The following PTPRK variants were observed in gnomAD, a reference collection of about 807,000 sequenced individuals.
The protein encoded by PTPRK is protein tyrosine phosphatase receptor type K.
Under a neutral mutation model 178.0 loss-of-function variants are expected in PTPRK, and 75 were observed. The observed-to-expected ratio is 0.42, with a 90% CI of 0.35 to 0.51. PTPRK has a LOEUF of 0.51. Ranked by LOEUF, PTPRK falls within the 20% of genes least tolerant of loss-of-function variation. The pLI, the probability that PTPRK is intolerant of heterozygous loss-of-function variation, is 0.02. For synonymous variants in PTPRK, 637 were observed against 620.6 expected, an observed-to-expected ratio of 1.03 and a Z score of -0.39; for missense variants, 1,441 against 1,797.8, an observed-to-expected ratio of 0.80 and a Z score of 3.59.
intron 3 of PTPRK, among the ~76,000 whole-genome samples, chr6:128,249,582 G>T (rs1327889150): frequency 6.6e-6 from 1 of 152,070 alleles, no homozygotes; most frequent in Non-Finnish European, 1.5e-5. Flanking sequence ...TATGCATAAA[G>T]TTAGAACAGT....
chr6:128,447,628 CT>C (rs35289749), intron 1 of PTPRK, among the ~76,000 whole-genome samples: 620 of 138,334 alleles, frequency 4.5e-3, no homozygotes, highest in Non-Finnish European at 4.2e-3. Context: ...AAAACCGTGC[CT>C]TTTTTTTTTT....
chr6:128,464,647 A>ATG (rs1849575032), intron 1 of PTPRK, among the ~76,000 whole-genome samples: 1 of 93,032 alleles, frequency 1.1e-5, no homozygotes, highest in Admixed American at 1.0e-4. Context: ...ACATATATAT[A>ATG]TATATATATA....
At chr6:128,505,457 A>G (rs1039796492) in intron 1 of PTPRK, among the ~76,000 whole-genome samples, 19 of 151,886 alleles carry the variant, frequency 1.3e-4, no homozygotes, top group African/African-American at 4.6e-4. Context: ...AAATAAATAC[A>G]CACATAAAAT....
chr6:128,078,274 CT>C (rs1438926682), intron 11 of PTPRK, among the ~76,000 whole-genome samples: 1 of 151,956 alleles, frequency 6.6e-6, no homozygotes, highest in African/African-American at 2.4e-5. Flanking sequence ...TATCTGCAGG[CT>C]TTGTCCAAAT....
chr6:128,127,020 C>T (rs139749297), intron 7 of PTPRK, among the ~76,000 whole-genome samples: 4 of 151,390 alleles, frequency 2.6e-5, no homozygotes, highest in African/African-American at 4.9e-5. Flanking sequence ...TGATGTTTTG[C>T]TAATTTGCAG....
intron 3 of PTPRK, among the ~76,000 whole-genome samples, chr6:128,305,777 A>C (rs1159347502): frequency 6.6e-6 from 1 of 152,370 alleles, no homozygotes; most frequent in Non-Finnish European, 1.5e-5. Context: ...TTCACCCAGA[A>C]GAACCCAAAT....
At chr6:128,201,497 A>G (rs75477210) in intron 6 of PTPRK, among the ~76,000 whole-genome samples, 3,941 of 152,234 alleles carry the variant, frequency 0.026, 107 homozygotes, top group African/African-American at 0.071. Context: ...AATAGTTTCA[A>G]ATATAAACTA....
At chr6:128,111,811 C>T (rs909806965) in intron 7 of PTPRK, among the ~76,000 whole-genome samples, 15 of 151,966 alleles carry the variant, frequency 9.9e-5, no homozygotes, top group African/African-American at 3.1e-4. Flanking sequence ...GTATGGATCT[C>T]GCATTTTTAG....
intron 7 of PTPRK, among the ~76,000 whole-genome samples, chr6:128,113,282 A>C (rs1235756815): frequency 6.6e-6 from 1 of 151,836 alleles, no homozygotes; most frequent in Non-Finnish European, 1.5e-5. Context: ...GAAGAAAAAA[A>C]CTTGAAAGAA....
At chr6:128,426,307 C>T (rs996530080) in intron 1 of PTPRK, among the ~76,000 whole-genome samples, 1 of 152,104 alleles carries the variant, frequency 6.6e-6, no homozygotes, top group Admixed American at 6.5e-5. Flanking sequence ...TTAAAGCTCC[C>T]CTTGAGGTCT....
rs1784296149 is a variant in PTPRK at position 128,078,780 on chromosome 6, T to C, written c.1883+33A>G. The C allele has an allele frequency of 2.7e-6, 4 of 1,496,402 alleles. No homozygotes were observed. In the East Asian group the frequency reaches 9.0e-5, roughly 34 times the overall value. 92.7% of individuals were successfully genotyped at this position (1,496,402 alleles called of 1,614,324 possible). A position where few individuals can be genotyped will look rare whatever the true frequency, so the allele number is the denominator to read the frequency against. ...ATCTTGGGATGTACATACCTGTGGA[T>C]AAGGCAGAACTACTGTAGTTTTCTC... On this transcript the variant is annotated intron_variant, in intron 11 of 29. Transcript: ENST00000368226.
At chr6:128,002,396 G>C (rs916675909) in intron 15 of PTPRK, among the ~76,000 whole-genome samples, 1 of 151,620 alleles carries the variant, frequency 6.6e-6, no homozygotes, top group African/African-American at 2.4e-5. Flanking sequence ...TAGAAACGCT[G>C]GTAAAATTGA....
At chr6:128,330,171 T>A (rs192764065) in intron 2 of PTPRK, among the ~76,000 whole-genome samples, 19 of 152,248 alleles carry the variant, frequency 1.2e-4, no homozygotes, top group African/African-American at 4.3e-4. Context: ...TAAGAAGCAA[T>A]AATCAGGATC....
intron 7 of PTPRK, among the ~76,000 whole-genome samples, chr6:128,110,585 G>C (rs1341290516): frequency 6.6e-6 from 1 of 151,826 alleles, no homozygotes. Context: ...AGATATTTAT[G>C]CAGAAGGGAA....
At chr6:128,331,252 T>G (rs1227930312) in intron 2 of PTPRK, among the ~76,000 whole-genome samples, 1 of 152,184 alleles carries the variant, frequency 6.6e-6, no homozygotes, top group Non-Finnish European at 1.5e-5. Context: ...TTGTGTTTCC[T>G]GCCCTGCATT....
At chr6:127,996,772 T>C in intron 17 of PTPRK, 129 bp downstream of exon 17, 1 of 1,225,402 alleles carries the variant, frequency 8.2e-7, no homozygotes, top group Non-Finnish European at 1.1e-6. Context: ...AGCCTGATTG[T>C]AAATGCTGTT....
chr6:128,247,678 T>G (rs376923560), intron 3 of PTPRK, among the ~76,000 whole-genome samples: 8 of 152,182 alleles, frequency 5.3e-5, no homozygotes, highest in Admixed American at 1.3e-4. Context: ...CAATTTCTTC[T>G]TCTATAAAGG....
intron 6 of PTPRK, among the ~76,000 whole-genome samples, chr6:128,190,099 TATC>T (rs1803498178): frequency 6.6e-6 from 1 of 152,216 alleles, no homozygotes; most frequent in Non-Finnish European, 1.5e-5. Context: ...GGACATTTAA[TATC>T]ATATGTATAA....
At chr6:128,291,656 G>C (rs1823402492) in intron 3 of PTPRK, among the ~76,000 whole-genome samples, 1 of 152,078 alleles carries the variant, frequency 6.6e-6, no homozygotes, top group Admixed American at 6.6e-5. Context: ...GTTATAATGA[G>C]CAATCTCTTC....
Sources: gnomAD v4.1 joint callset for allele counts (sites outside exome capture counted in the v4.1 genomes callset) on GRCh38, gnomAD v4.1.1 for gene constraint, MANE v1.5 for transcripts, NCBI Gene and HGNC (gene_info 2026-07-23, HGNC 2026-07-21) for gene names.